Variants in GNAO1 observed in about 807,000 individuals in gnomAD.
GNAO1 encodes the protein G protein subunit alpha o1.
For missense variants in GNAO1, 166 were observed against 478.7 expected, an observed-to-expected ratio of 0.35 and a Z score of 6.10; for synonymous variants, 164 against 180.7, an observed-to-expected ratio of 0.91 and a Z score of 0.74.
chr16:56,242,868 A>T (rs2036707643), intron 2 of GNAO1, among the ~76,000 whole-genome samples: 1 of 152,172 alleles, frequency 6.6e-6, no homozygotes, highest in Non-Finnish European at 1.5e-5. Flanking sequence ...GACTGGTGGG[A>T]ACCCACCAGG....
chr16:56,241,159 G>A (rs1279096128), intron 2 of GNAO1, among the ~76,000 whole-genome samples: 2 of 152,196 alleles, frequency 1.3e-5, no homozygotes, highest in Admixed American at 6.5e-5. Context: ...GCGCTCTGAC[G>A]CTGCTCCCAT....
intron 2 of GNAO1, among the ~76,000 whole-genome samples, chr16:56,272,678 G>A (rs762010411): frequency 6.6e-6 from 1 of 152,184 alleles, no homozygotes; most frequent in Non-Finnish European, 1.5e-5. Context: ...AGATATTGGG[G>A]CAATTACTTA....
chr16:56,280,446 G>A (rs1372203095), intron 3 of GNAO1, among the ~76,000 whole-genome samples: 1 of 152,224 alleles, frequency 6.6e-6, no homozygotes, highest in Non-Finnish European at 1.5e-5. Context: ...GATTTGGTGG[G>A]CCCTGGAAGG....
intron 3 of GNAO1, chr16:56,301,727 C>G (rs1255315210): frequency 2.6e-5 from 4 of 152,064 alleles, no homozygotes; most frequent in African/African-American, 7.3e-5. Flanking sequence ...ACCATTCTGC[C>G]CGGCGGAGTG....
chr16:56,321,852 T>C (rs1215598370), intron 3 of GNAO1, among the ~76,000 whole-genome samples: 2 of 152,214 alleles, frequency 1.3e-5, no homozygotes, highest in African/African-American at 2.4e-5. Flanking sequence ...GCTCTAGCCG[T>C]CTGCCCCGCG....
intron 4 of GNAO1, among the ~76,000 whole-genome samples, chr16:56,332,391 C>T (rs2037698168): frequency 6.6e-6 from 1 of 152,178 alleles, no homozygotes; most frequent in South Asian, 2.1e-4. Context: ...CCCTCATTCC[C>T]CTCAGTCTCC....
At chr16:56,204,958 A>G (rs371184074) in intron 2 of GNAO1, among the ~76,000 whole-genome samples, 2 of 152,202 alleles carry the variant, frequency 1.3e-5, no homozygotes, top group East Asian at 3.8e-4. Context: ...TCTCTCCAGC[A>G]AAACAGATGT....
At chr16:56,227,883 A>G (rs540433384) in intron 2 of GNAO1, among the ~76,000 whole-genome samples, 1 of 152,038 alleles carries the variant, frequency 6.6e-6, no homozygotes, top group South Asian at 2.1e-4. Flanking sequence ...GTTCAATTTA[A>G]TGGTGTTCTT....
At chr16:56,285,731 C>T (rs929725045) in intron 3 of GNAO1, among the ~76,000 whole-genome samples, 1 of 152,314 alleles carries the variant, frequency 6.6e-6, no homozygotes, top group African/African-American at 2.4e-5. Flanking sequence ...TAATTGTGCT[C>T]CCTAAAAAGA....
At chr16:56,352,539 C>A (rs560747657) in intron 7 of GNAO1, 41 of 152,462 alleles carry the variant, frequency 2.7e-4, no homozygotes, top group African/African-American at 9.6e-4. Flanking sequence ...TTGGCTCGGC[C>A]AGGAACCCAT....
Position 56,354,823 on chromosome 16 carries a change from C to T in GNAO1, c.878-43C>T, listed in dbSNP as rs776721425. 1.6e-5 allele frequency: 20 copies of T among 1,264,670 alleles called. No individual in the cohort carries two copies. Among genetic ancestry groups the T allele is most frequent in the Admixed American group, 5.2e-5 (3 of 58,062 alleles). The allele number at this position is 1,264,670 out of a possible 1,614,324, so 78.3% of individuals were successfully genotyped here. ...TGTCCCCAGCCCTGTCCACCCACAG[C>T]GCTCATCAGGGCCTCTCCCCGTTCT... is the stretch of plus-strand genomic sequence containing the variant. On this transcript the variant is annotated intron_variant, in intron 7 of 8. Coordinates refer to ENST00000262493, the MANE Select transcript of GNAO1 (RefSeq NM_020988.3). The surrounding 1 kb of genome is among the most constrained non-coding windows in gnomAD (Gnocchi z 4.3).
chr16:56,344,062 CAG>C, intron 6 of GNAO1: 1 of 1,507,180 alleles, frequency 6.6e-7, no homozygotes, highest in Non-Finnish European at 8.8e-7. Context: ...AAGAAGACCT[CAG>C]AGGCTGGCAC....
chr16:56,230,259 T>TG (rs2036576845), intron 2 of GNAO1, among the ~76,000 whole-genome samples: 1 of 152,190 alleles, frequency 6.6e-6, no homozygotes, highest in Non-Finnish European at 1.5e-5. Flanking sequence ...CTGTGGGGCC[T>TG]GGTCTCTTCC....
intron 2 of GNAO1, among the ~76,000 whole-genome samples, chr16:56,206,164 C>T (rs1190658487): frequency 6.6e-6 from 1 of 151,780 alleles, no homozygotes; most frequent in Admixed American, 6.6e-5. Context: ...ACAAAAAATA[C>T]AAAACATTAG....
At chr16:56,223,833 C>A (rs141086051) in intron 2 of GNAO1, among the ~76,000 whole-genome samples, 1 of 152,166 alleles carries the variant, frequency 6.6e-6, no homozygotes, top group East Asian at 1.9e-4. Context: ...AAACTCCTTG[C>A]GAGAAAGGAC....
intron 2 of GNAO1, among the ~76,000 whole-genome samples, chr16:56,269,715 G>A (rs550337944): frequency 2.6e-5 from 4 of 152,278 alleles, no homozygotes; most frequent in South Asian, 4.1e-4. Flanking sequence ...CAGACGAGGG[G>A]CATTTAATCT....
intron 2 of GNAO1, among the ~76,000 whole-genome samples, chr16:56,229,684 C>T (rs1237051059): frequency 2.6e-5 from 4 of 152,064 alleles, no homozygotes; most frequent in African/African-American, 9.7e-5. Context: ...TTCACAATAA[C>T]CCATTGAGAT....
chr16:56,213,442 A>G (rs1046170188), intron 2 of GNAO1: 6 of 397,504 alleles, frequency 1.5e-5, no homozygotes, highest in African/African-American at 1.0e-4. Context: ...GACAAGTGCT[A>G]TGGAGAAGAA....
chr16:56,199,081 T>G (rs1436623957), intron 2 of GNAO1, among the ~76,000 whole-genome samples: 1 of 152,224 alleles, frequency 6.6e-6, no homozygotes, highest in Non-Finnish European at 1.5e-5. Flanking sequence ...GCTCCCTTCC[T>G]GTTGTCAACG....
Sources: allele counts gnomAD v4.1 joint callset (sites outside exome capture counted in the v4.1 genomes callset), GRCh38; gene constraint gnomAD v4.1.1; non-coding constraint Gnocchi (gnomAD v3.1); transcripts MANE v1.5; gene names NCBI Gene and HGNC (gene_info 2026-07-23, HGNC 2026-07-21).